The following PWP1 variants were observed in gnomAD, a reference collection of about 807,000 sequenced individuals.
PWP1 encodes periodic tryptophan protein 1 homolog.
A neutral mutation model predicts 69.9 loss-of-function variants in PWP1; 47 were observed. The ratio of observed to expected loss-of-function variants is 0.67; its 90% CI spans 0.53 to 0.86. The LOEUF is 0.86. Among genes scored for constraint, PWP1 ranks in the 40% least tolerant of loss-of-function variants. The pLI is 0.00. For missense variants in PWP1, 551 were observed against 608.8 expected (o/e 0.91, Z 1.00); for synonymous variants, 222 against 208.2 (o/e 1.07, Z -0.57).
At chr12:107,690,953 C>T (rs572340888) in intron 3 of PWP1, among the ~76,000 whole-genome samples, 70 of 152,236 alleles carry the variant, frequency 4.6e-4, no homozygotes, top group African/African-American at 1.7e-3. Context: ...GGACATGAGA[C>T]ATGGTCTGTG....
chr12:107,690,163 G>C (rs971817224), intron 3 of PWP1, among the ~76,000 whole-genome samples: 2 of 152,142 alleles, frequency 1.3e-5, no homozygotes, highest in African/African-American at 4.8e-5. Flanking sequence ...TAATACAAAT[G>C]TTATCTGCAA....
chr12:107,699,280 A>G lies in PWP1; in HGVS notation c.745-93A>G, dbSNP rs575145982. 6.0e-6 allele frequency: 6 copies of G among 1,003,674 alleles called. No homozygotes were observed. The Admixed American group carries it at 1.3e-4, about 21-fold the overall frequency. The allele number at this position is 1,003,674 out of a possible 1,614,324, so 62.2% of individuals were successfully genotyped here. A position where few individuals can be genotyped will look rare whatever the true frequency, so the allele number is the denominator to read the frequency against. On this transcript the variant is annotated intron_variant, in intron 7 of 14. Transcript: ENST00000412830. ...TCTCAAAACAAAACAAAACAAAATA[A>G]TCTTAAGGTTTAAAGAATTTTGCAG...
chr12:107,691,308 C>A (rs1270684908), intron 3 of PWP1, among the ~76,000 whole-genome samples: 1 of 152,152 alleles, frequency 6.6e-6, no homozygotes, highest in African/African-American at 2.4e-5. Context: ...TGGGCAGTTG[C>A]TGGGAAGTCT....
At position 107,711,220 on chromosome 12, in the gene PWP1, G is replaced by A. The variant is rs530138529; in HGVS notation, c.1396+710G>A. On this transcript the variant is annotated intron_variant, in intron 14 of 14. Transcript: ENST00000412830. ...AACATGCCCTTAAGACACAGATCGA[G>A]ATCGCTCATGCTATTGTTTGTGGCT... Among the ~76,000 whole-genome samples the A allele has an allele frequency of 2.6e-5, 4 of 152,324 alleles. No individual in the cohort carries two copies. In the South Asian group the frequency reaches 6.2e-4, roughly 24 times the overall value.
chr12:107,692,640 A>G (rs192251284), intron 3 of PWP1, 174 bp from the exon 4 acceptor site: 1 of 587,190 alleles, frequency 1.7e-6, no homozygotes, highest in African/African-American at 1.9e-5. Context: ...CAAATACAAA[A>G]ATGGCTTTTA....
intron 13 of PWP1, among the ~76,000 whole-genome samples, chr12:107,710,118 A>C (rs1259021450): frequency 6.6e-6 from 1 of 152,192 alleles, no homozygotes; most frequent in Non-Finnish European, 1.5e-5. Context: ...GTTTGTTAGG[A>C]AATCCCTAAG....
rs745376936 is a variant in PWP1, at chr12:107,703,056, C to A, written c.903+25C>A. 21 of 1,508,944 alleles carry A rather than the reference C, an allele frequency of 1.4e-5. No individual in the cohort carries two copies. In the Middle Eastern group the frequency reaches 5.1e-4, roughly 37 times the overall value. 93.5% of individuals were successfully genotyped at this position (1,508,944 alleles called of 1,614,324 possible). The stretch of plus-strand genomic sequence containing the variant: ...GGTATGGTGATTTAGTTGATCACAG[C>A]GGTTCTTAAAAATCGGACACAAATA... On this transcript the variant is annotated intron_variant, in intron 9 of 14. Coordinates refer to ENST00000412830, the MANE Select transcript of PWP1 (RefSeq NM_007062.3).
chr12:107,710,924 G>C (rs1282918524), intron 14 of PWP1, among the ~76,000 whole-genome samples: 1 of 150,690 alleles, frequency 6.6e-6, no homozygotes, highest in Non-Finnish European at 1.5e-5. Context: ...TTAAGGCCGA[G>C]ACCAGCTCGG....
Position 107,697,499 on chromosome 12 carries a change from G to C in PWP1, c.646G>C (p.Val216Leu). The change falls in exon 7 of 15, where the codon GTT (valine) becomes CTT (leucine). Residue 216 changes from valine (V) to leucine (L), a missense_variant. Val to Leu is a conservative substitution (Grantham distance 32). Coordinates refer to ENST00000412830, the MANE Select transcript of PWP1 (RefSeq NM_007062.3). ...NYIAVGNMTP[V>L]IEVWDLDIVD... ...CATTGCTGTAGGAAACATGACCCCT[G>C]TTATTGAAGTGTGGGACCTTGATAT... 6.2e-7 allele frequency: 1 copy of C among 1,603,130 alleles called. No individual in the cohort carries two copies. The highest frequency in any genetic ancestry group is 8.5e-7 in the Non-Finnish European group (1 of 1,175,978).
intron 1 of PWP1, 117 bp from the exon 2 acceptor site, chr12:107,688,331 T>C (rs1889413848): frequency 2.6e-6 from 2 of 770,084 alleles, no homozygotes; most frequent in Non-Finnish European, 4.1e-6. Flanking sequence ...GTTTGATTCT[T>C]ATCTTGATGA....
chr12:107,689,712 C>A (rs1463213132), intron 3 of PWP1, among the ~76,000 whole-genome samples: 1 of 152,092 alleles, frequency 6.6e-6, no homozygotes, highest in East Asian at 1.9e-4. Flanking sequence ...TGCCACTGCA[C>A]TCCAGCCTGG....
chr12:107,710,578 G>C, intron 14 of PWP1, 68 bp downstream of exon 14: 1 of 1,409,830 alleles, frequency 7.1e-7, no homozygotes, highest in East Asian at 2.4e-5. Flanking sequence ...AAAAAAGACA[G>C]GGTCTCACCA....
At chr12:107,711,841 G>A (rs755613730) in intron 14 of PWP1, among the ~76,000 whole-genome samples, 1 of 152,200 alleles carries the variant, frequency 6.6e-6, no homozygotes, top group African/African-American at 2.4e-5. Context: ...ATAAGGCCAG[G>A]AGAGGGTCAC....
At position 107,699,399 on chromosome 12, in the gene PWP1, T is replaced by TG. The variant is rs781569660; in HGVS notation, c.772dup (p.Ala258GlyfsTer4). On this transcript the variant is annotated frameshift_variant, in exon 8 of 15. Transcript: ENST00000412830. LOFTEE classifies it high-confidence loss of function. The stretch of plus-strand genomic sequence containing the variant: ...GTTCCTCAGCAGAAGGGCATACCGA[T>TG]GCTGTCCTTGACCTTTCATGGAATA... The TG allele has an allele frequency of 6.2e-7, 1 of 1,613,580 alleles. No homozygotes were observed.
Position 107,699,454 on chromosome 12 carries a change from G to T in PWP1, c.806+20G>T, listed in dbSNP as rs372202257. 1.3e-6 allele frequency: 2 copies of T among 1,594,382 alleles called. No individual in the cohort carries two copies. The highest frequency in any genetic ancestry group is 1.7e-6 in the Non-Finnish European group (2 of 1,162,524). Reference sequence around the variant, plus strand: ...AATCAGGTAAAAAGAAATAACATTTGAATGATTGTAAAAGACTGTAGCCAT... The same window carrying T: ...AATCAGGTAAAAAGAAATAACATTTTAATGATTGTAAAAGACTGTAGCCAT... On this transcript the variant is annotated intron_variant, in intron 8 of 14. Coordinates refer to ENST00000412830, the MANE Select transcript of PWP1 (RefSeq NM_007062.3).
chr12:107,696,355 A>G (rs1255631341), intron 5 of PWP1, 119 bp from the exon 6 acceptor site: 12 of 1,377,654 alleles, frequency 8.7e-6, no homozygotes, highest in South Asian at 3.0e-5. Flanking sequence ...ATAATATCAG[A>G]TGTCTCACTT....
intron 3 of PWP1, among the ~76,000 whole-genome samples, chr12:107,691,183 C>G (rs1258876873): frequency 2.0e-5 from 3 of 152,120 alleles, no homozygotes; most frequent in Non-Finnish European, 2.9e-5. Context: ...CCTTTAGTGC[C>G]AGAGCAATAT....
intron 5 of PWP1, among the ~76,000 whole-genome samples, chr12:107,695,131 T>C (rs1429900381): frequency 2.7e-5 from 4 of 148,404 alleles, no homozygotes; most frequent in Admixed American, 2.7e-4. Context: ...CCAGGCGTGG[T>C]GGCGGGCGCC....
chr12:107,693,388 C>T (rs1429927969), intron 5 of PWP1, among the ~76,000 whole-genome samples: 1 of 151,934 alleles, frequency 6.6e-6, no homozygotes, highest in Non-Finnish European at 1.5e-5. Flanking sequence ...GTTGCCCAGG[C>T]TGTCTCGAAC....
Sources: gnomAD v4.1 joint callset for allele counts (sites outside exome capture counted in the v4.1 genomes callset) on GRCh38, gnomAD v4.1.1 for gene constraint, MANE v1.5 for transcripts, NCBI Gene and HGNC (gene_info 2026-07-23, HGNC 2026-07-21) for gene names.